The following ARID1B variants were observed in gnomAD, a reference collection of about 807,000 sequenced individuals.
ARID1B encodes AT-rich interactive domain-containing protein 1B.
Under a neutral mutation model 212.3 loss-of-function variants are expected in ARID1B, and 30 were observed. The observed-to-expected ratio is 0.14, with a 90% CI of 0.11 to 0.19. ARID1B has a LOEUF of 0.19. Among genes scored for constraint, ARID1B ranks in the 10% least tolerant of loss-of-function variants. The pLI is 1.00. For missense variants in ARID1B, 2,891 were observed against 3,204.0 expected (o/e 0.90, Z 2.36); for synonymous variants, 1,402 against 1,301.7 (o/e 1.08, Z -1.66).
At chr6:156,987,235 A>G (rs1466852791) in intron 4 of ARID1B, among the ~76,000 whole-genome samples, 1 of 151,986 alleles carries the variant, frequency 6.6e-6, no homozygotes, top group African/African-American at 2.4e-5. Context: ...AAAGCAAAAT[A>G]TAAGATGGGG....
In ARID1B at chr6:157,190,944, G is replaced by A. The variant is rs374237470; in HGVS notation, c.4231+734G>A. ...TGGGAATGAGCTTGGTGTATGAGGAGGTGGTGGGTGTCCAGAGCACAGTGA... is the reference window on the plus strand; with the variant it reads ...TGGGAATGAGCTTGGTGTATGAGGAAGTGGTGGGTGTCCAGAGCACAGTGA... On this transcript the variant is annotated intron_variant, in intron 15 of 19. Transcript: ENST00000636930. The surrounding 1 kb of genome is among the most constrained non-coding windows in gnomAD (Gnocchi z 4.6). Among the ~76,000 whole-genome samples, 15 of 152,118 alleles carry A rather than the reference G, an allele frequency of 9.9e-5. No individual in the cohort carries two copies. Among genetic ancestry groups the A allele is most frequent in the African/African-American group, 3.4e-4 (14 of 41,492 alleles).
chr6:156,873,693 C>T (rs901333239), intron 2 of ARID1B, among the ~76,000 whole-genome samples: 7 of 152,332 alleles, frequency 4.6e-5, no homozygotes, highest in African/African-American at 1.4e-4. Context: ...TACCTGTGTG[C>T]TTTGCAGATT....
In ARID1B at chr6:156,777,528, C is replaced by T. The variant is rs1456870903; in HGVS notation, c.-153C>T. On this transcript the variant is annotated 5_prime_UTR_variant, in exon 1 of 20. Coordinates refer to ENST00000636930, the MANE Select transcript of ARID1B (RefSeq NM_001374828.1). ...AGCAGGCCCAGAGCGTAAGGCGTGC[C>T]CGGCCCGGCGCTCCGGCGGGGCCTG... is the stretch of plus-strand genomic sequence containing the variant. The T allele has an allele frequency of 6.6e-6, 1 of 151,412 alleles. No homozygotes were observed. Among genetic ancestry groups the T allele is most frequent in the African/African-American group, 2.4e-5 (1 of 41,372 alleles). 9.4% of individuals were successfully genotyped at this position (151,412 alleles called of 1,614,324 possible). A position where few individuals can be genotyped will look rare whatever the true frequency, so the allele number is the denominator to read the frequency against.
chr6:156,827,393 G>T (rs1483316444), intron 1 of ARID1B, among the ~76,000 whole-genome samples: 1 of 152,194 alleles, frequency 6.6e-6, no homozygotes, highest in East Asian at 1.9e-4. Context: ...TTGGAGCTGG[G>T]CTTGCTTCCT....
At position 157,036,881 on chromosome 6, in the gene ARID1B, G is replaced by A. The variant is rs756319655; in HGVS notation, c.2248-47781G>A. ...GATGCAGCCTTTGGACTCAAGGTGT[G>A]TAGTCTGGTGTAGTTCATTGTGGAG... is the stretch of plus-strand genomic sequence containing the variant. On this transcript the variant is annotated intron_variant, in intron 4 of 19. Coordinates refer to ENST00000636930, the MANE Select transcript of ARID1B (RefSeq NM_001374828.1). 36 of 499,234 alleles carry A rather than the reference G, an allele frequency of 7.2e-5. 1 individual carries two copies. Among genetic ancestry groups the A allele is most frequent in the South Asian group, 5.1e-4 (33 of 64,936 alleles). 30.9% of individuals were successfully genotyped at this position (499,234 alleles called of 1,614,324 possible).
chr6:156,818,124 T>TTTA (rs1554255156), intron 1 of ARID1B, among the ~76,000 whole-genome samples: 1 of 133,380 alleles, frequency 7.5e-6, no homozygotes, highest in Non-Finnish European at 1.6e-5. Flanking sequence ...TTTTTTTTTT[T>TTTA]AGAATATAAG....
intron 1 of ARID1B, among the ~76,000 whole-genome samples, chr6:156,805,872 T>C (rs1253600902): frequency 6.6e-6 from 1 of 152,016 alleles, no homozygotes; most frequent in Non-Finnish European, 1.5e-5. Flanking sequence ...AGATGGAGTC[T>C]CGCTGTGTTG....
rs983992549 is a variant in ARID1B at position 156,777,618 on chromosome 6, C to T, written c.-63C>T. On this transcript the variant is annotated 5_prime_UTR_variant, in exon 1 of 20. Transcript: ENST00000636930. The stretch of plus-strand genomic sequence containing the variant: ...GGATGCGCACAGGAGGGGCCGCGGC[C>T]TGAAAAGTGGGGGTTATTGTCTCCC... The T allele has an allele frequency of 4.6e-5, 7 of 150,686 alleles. No homozygotes were observed. The highest frequency in any genetic ancestry group is 1.0e-4 in the Non-Finnish European group (7 of 67,658). 9.3% of individuals were successfully genotyped at this position (150,686 alleles called of 1,614,324 possible). A position where few individuals can be genotyped will look rare whatever the true frequency, so the allele number is the denominator to read the frequency against.
intron 4 of ARID1B, chr6:157,023,398 C>G (rs1780450161): frequency 6.6e-6 from 1 of 152,128 alleles, no homozygotes; most frequent in Non-Finnish European, 1.5e-5. Context: ...TTTGTGAATA[C>G]TGAATTTATG....
In ARID1B at chr6:157,148,115, G is replaced by A. The variant is rs145251665; in HGVS notation, c.2762-509G>A. The stretch of plus-strand genomic sequence containing the variant: ...AAACTGGGGCTCATGTCAGGTTCCC[G>A]CGTGACACCTTCCTGTGGGGTTTTA... On this transcript the variant is annotated intron_variant, in intron 7 of 19. Coordinates refer to ENST00000636930, the MANE Select transcript of ARID1B (RefSeq NM_001374828.1). This position sits in a 1 kb window ranked among gnomAD's most constrained non-coding sequence, Gnocchi z 5.6. Among the ~76,000 whole-genome samples the A allele has an allele frequency of 3.8e-3, 572 of 152,028 alleles. No individual in the cohort carries two copies. The highest frequency in any genetic ancestry group is 0.01 in the Middle Eastern group (3 of 294).
chr6:157,205,682 A>G (rs1273688914), intron 19 of ARID1B: 1 of 155,700 alleles, frequency 6.4e-6, no homozygotes, highest in African/African-American at 2.4e-5. Context: ...CTGAGACAAA[A>G]ATAACCATAA....
chr6:157,053,098 G>GATTT (rs2128383363), intron 4 of ARID1B, among the ~76,000 whole-genome samples: 2 of 151,712 alleles, frequency 1.3e-5, no homozygotes, highest in South Asian at 4.2e-4. Flanking sequence ...TTGATTGATT[G>GATTT]ATTTAGGGAC....
intron 4 of ARID1B, among the ~76,000 whole-genome samples, chr6:157,008,484 C>T (rs993523975): frequency 1.3e-5 from 2 of 152,214 alleles, no homozygotes; most frequent in Non-Finnish European, 2.9e-5. Context: ...TCTTCAAAGG[C>T]TCCGGTTCAG....
At chr6:156,803,429 AGTGTTCTCTAAGCT>A (rs1014533947) in intron 1 of ARID1B, among the ~76,000 whole-genome samples, 3 of 152,082 alleles carry the variant, frequency 2.0e-5, no homozygotes, top group Non-Finnish European at 2.9e-5. Flanking sequence ...CTTTCGTTTC[AGTGTTCTCTAAGCT>A]GTGTGTCTAT....
At chr6:157,052,386 C>T (rs1782668306) in intron 4 of ARID1B, among the ~76,000 whole-genome samples, 1 of 152,210 alleles carries the variant, frequency 6.6e-6, no homozygotes. Context: ...CAACTGTAGA[C>T]AGATGCCACT....
rs139477301 is a variant in ARID1B, at chr6:156,992,641, G to T, written c.2247+57065G>T. Among the ~76,000 whole-genome samples the T allele has an allele frequency of 1.3e-3, 202 of 152,326 alleles. 1 individual carries two copies. Among genetic ancestry groups the T allele is most frequent in the African/African-American group, 4.6e-3 (191 of 41,582 alleles). On this transcript the variant is annotated intron_variant, in intron 4 of 19. Coordinates refer to ENST00000636930, the MANE Select transcript of ARID1B (RefSeq NM_001374828.1). ...TTCAGAACGGCCTCCCATCTGTGGGGCCTGGGCACTGATAAAACTTGCAGT... is the reference window on the plus strand; with the variant it reads ...TTCAGAACGGCCTCCCATCTGTGGGTCCTGGGCACTGATAAAACTTGCAGT...
intron 5 of ARID1B, among the ~76,000 whole-genome samples, chr6:157,087,698 C>G (rs960758892): frequency 6.6e-6 from 1 of 152,052 alleles, no homozygotes; most frequent in African/African-American, 2.4e-5. Context: ...GTATGTTGTT[C>G]CCAGTAATGA....
intron 2 of ARID1B, among the ~76,000 whole-genome samples, chr6:156,835,191 G>A (rs1051338016): frequency 7.1e-6 from 1 of 141,396 alleles, no homozygotes; most frequent in African/African-American, 2.7e-5. Context: ...AGTGAGCCGA[G>A]ATCTTGCCAC....
intron 2 of ARID1B, among the ~76,000 whole-genome samples, chr6:156,830,040 C>G (rs996975724): frequency 6.6e-6 from 1 of 152,010 alleles, no homozygotes; most frequent in African/African-American, 2.4e-5. Context: ...CAACATTTTC[C>G]TTTTTTTTCT....
Sources: allele counts gnomAD v4.1 joint callset (sites outside exome capture counted in the v4.1 genomes callset), GRCh38; gene constraint gnomAD v4.1.1; non-coding constraint Gnocchi (gnomAD v3.1); transcripts MANE v1.5; gene names NCBI Gene and HGNC (gene_info 2026-07-23, HGNC 2026-07-21).